Variants in NUCB2 observed in about 807,000 individuals in gnomAD.
The protein encoded by NUCB2 is nucleobindin 2, also known as nucleobindin-2.
A neutral mutation model predicts 57.9 loss-of-function variants in NUCB2; 48 were observed. The ratio of observed to expected loss-of-function variants is 0.83; its 90% CI spans 0.66 to 1.05. The LOEUF is 1.05. Ranked by LOEUF, NUCB2 falls within the 50% of genes least tolerant of loss-of-function variation. The pLI is 0.00. For missense variants in NUCB2, 442 were observed against 476.2 expected (o/e 0.93, Z 0.67); for synonymous variants, 139 against 152.1 (o/e 0.91, Z 0.64).
At chr11:17,319,942 A>C (rs566982191) in intron 11 of NUCB2, among the ~76,000 whole-genome samples, 1 of 152,142 alleles carries the variant, frequency 6.6e-6, no homozygotes, top group African/African-American at 2.4e-5. Context: ...CTATGTGTCC[A>C]TGTGTTCTCA....
At chr11:17,277,998 A>G (rs796601219) in intron 1 of NUCB2, among the ~76,000 whole-genome samples, 47 of 152,218 alleles carry the variant, frequency 3.1e-4, no homozygotes, top group African/African-American at 9.4e-4. Flanking sequence ...ATGAACATGG[A>G]AACTTCTATT....
chr11:17,283,031 A>T (rs1348227238), intron 2 of NUCB2, 88 bp downstream of exon 2: 2 of 152,206 alleles, frequency 1.3e-5, no homozygotes, highest in Non-Finnish European at 2.9e-5. Flanking sequence ...AAAACCAAAA[A>T]CGAACTCACA....
intron 2 of NUCB2, among the ~76,000 whole-genome samples, chr11:17,340,381 T>C (rs1373202790): frequency 6.6e-6 from 1 of 152,212 alleles, no homozygotes; most frequent in Non-Finnish European, 1.5e-5. Context: ...ATTTTGGCTT[T>C]TGTTGCCATT....
At chr11:17,282,515 C>A (rs536699647) in intron 1 of NUCB2, among the ~76,000 whole-genome samples, 1 of 152,134 alleles carries the variant, frequency 6.6e-6, no homozygotes, top group South Asian at 2.1e-4. Flanking sequence ...TCCACCTCGG[C>A]CTCCCAAAGT....
Position 17,338,243 on chromosome 11 carries a change from GACAA to G in NUCB2, n.2626+714_2626+717del, listed in dbSNP as rs111666394. ...CAAATATTGCTCATCAAATTATGTA[GACAA>G]ACAATTATATTTCATGTTTTTATAT... On this transcript the variant is annotated intron_variant and non_coding_transcript_variant, in intron 2 of 2. Transcript: ENST00000532240. 1.5e-3 allele frequency among the ~76,000 whole-genome samples: 221 copies of G among 152,152 alleles called. 1 individual carries two copies. Among genetic ancestry groups the G allele is most frequent in the African/African-American group, 5.1e-3 (211 of 41,528 alleles).
chr11:17,348,086 AT>A (rs1398885960), intron 2 of NUCB2, among the ~76,000 whole-genome samples: 1 of 151,910 alleles, frequency 6.6e-6, no homozygotes, highest in Non-Finnish European at 1.5e-5. Flanking sequence ...TTGGACACTT[AT>A]TTTTTATTTT....
At chr11:17,323,571 A>G (rs1020038656) in intron 11 of NUCB2, among the ~76,000 whole-genome samples, 12 of 152,174 alleles carry the variant, frequency 7.9e-5, no homozygotes, top group Admixed American at 6.5e-5. Context: ...GTATCAGGGT[A>G]GTACGAGCCT....
intron 2 of NUCB2, among the ~76,000 whole-genome samples, chr11:17,339,209 A>C (rs1389076321): frequency 6.6e-6 from 1 of 151,058 alleles, no homozygotes; most frequent in Non-Finnish European, 1.5e-5. Flanking sequence ...GCTGGTCTTG[A>C]ATGCCTGACC....
At chr11:17,324,808 T>G (rs957277991) in intron 11 of NUCB2, among the ~76,000 whole-genome samples, 1 of 117,622 alleles carries the variant, frequency 8.5e-6, no homozygotes, top group African/African-American at 2.7e-5. Context: ...ATTTATTTAT[T>G]TATTTATTTT....
intron 2 of NUCB2, among the ~76,000 whole-genome samples, chr11:17,347,542 A>G (rs1952841698): frequency 6.6e-6 from 1 of 152,112 alleles, no homozygotes; most frequent in Admixed American, 6.6e-5. Context: ...ATGAACAAAT[A>G]TTTTTTTAAT....
intron 13 of NUCB2, 21 bp from the exon 14 acceptor site, chr11:17,331,391 C>T (rs1251647801): frequency 1.4e-6 from 2 of 1,406,432 alleles, no homozygotes; most frequent in African/African-American, 3.0e-5. Flanking sequence ...AAAATAAGAA[C>T]TTTTTTCTTT....
chr11:17,342,057 G>A (rs376039698), intron 2 of NUCB2, among the ~76,000 whole-genome samples: 3 of 152,180 alleles, frequency 2.0e-5, no homozygotes, highest in East Asian at 1.9e-4. Flanking sequence ...GGGTGTATGC[G>A]TTGAGGAATT....
At chr11:17,301,659 G>A (rs1241757900) in intron 4 of NUCB2, 85 bp from the exon 5 acceptor site, 5 of 858,068 alleles carry the variant, frequency 5.8e-6, no homozygotes, top group Non-Finnish European at 9.4e-6. Context: ...TATCACTAAT[G>A]TATTGTAACC....
chr11:17,280,256 A>G (rs955157220), intron 1 of NUCB2, among the ~76,000 whole-genome samples: 9 of 152,174 alleles, frequency 5.9e-5, no homozygotes, highest in African/African-American at 1.7e-4. Context: ...GACTGGAAAA[A>G]AAGGAGATAT....
chr11:17,340,199 TG>T (rs1157652301), intron 2 of NUCB2, among the ~76,000 whole-genome samples: 1 of 152,216 alleles, frequency 6.6e-6, no homozygotes, highest in African/African-American at 2.4e-5. Flanking sequence ...TTGATGGGGT[TG>T]TTTTTTTCTT....
intron 4 of NUCB2, among the ~76,000 whole-genome samples, chr11:17,296,470 AC>A (rs1280017877): frequency 6.6e-6 from 1 of 152,160 alleles, no homozygotes; most frequent in Non-Finnish European, 1.5e-5. Context: ...CCCTTAAGGA[AC>A]CCTCAAGGGA....
At chr11:17,318,256 A>G (rs1381218466) in intron 11 of NUCB2, among the ~76,000 whole-genome samples, 2 of 151,896 alleles carry the variant, frequency 1.3e-5, no homozygotes, top group Non-Finnish European at 2.9e-5. Context: ...AGCTCAAGCA[A>G]TCTGCCTGCC....
chr11:17,304,634 A>G (rs1042238767), intron 5 of NUCB2, among the ~76,000 whole-genome samples: 1 of 152,236 alleles, frequency 6.6e-6, no homozygotes, highest in African/African-American at 2.4e-5. Context: ...AAAAATTACT[A>G]TAAACAACAG....
At chr11:17,283,225 C>G (rs746417136) in intron 2 of NUCB2, among the ~76,000 whole-genome samples, 8 of 152,200 alleles carry the variant, frequency 5.3e-5, no homozygotes, top group Non-Finnish European at 1.0e-4. Context: ...TGCCAGAGCT[C>G]TAACCATCAC....
Sources: gnomAD v4.1 joint callset for allele counts (sites outside exome capture counted in the v4.1 genomes callset) on GRCh38, gnomAD v4.1.1 for gene constraint, MANE v1.5 for transcripts, NCBI Gene and HGNC (gene_info 2026-07-23, HGNC 2026-07-21) for gene names.